Variants in EXOSC4 observed in about 807,000 individuals in gnomAD.
EXOSC4 encodes the protein exosome component 4.
A neutral mutation model predicts 20.0 loss-of-function variants in EXOSC4; 14 were observed. That is an observed-to-expected ratio of 0.70 (90% CI 0.46 to 1.09). EXOSC4 has a LOEUF of 1.09. Among genes scored for constraint, EXOSC4 ranks in the 50% least tolerant of loss-of-function variants. EXOSC4 has a pLI of 0.00. For missense variants in EXOSC4, 337 were observed against 334.0 expected, an observed-to-expected ratio of 1.01 and a Z score of -0.07; for synonymous variants, 148 against 146.4, an observed-to-expected ratio of 1.01 and a Z score of -0.08.
At chr8:144,069,586 C>T in the EXOSC4 span, among the ~76,000 whole-genome samples, 27 of 152,348 alleles carry the variant, frequency 1.8e-4, no homozygotes, top group South Asian at 2.3e-3. Context: ...CTGGGTCACC[C>T]GGGATCGCCT....
chr8:144,073,284 G>A, the EXOSC4 span, among the ~76,000 whole-genome samples: 1 of 152,140 alleles, frequency 6.6e-6, no homozygotes, highest in Non-Finnish European at 1.5e-5. Context: ...TACTTGGGAA[G>A]CTGAGGCAGG....
At chr8:144,075,285 G>C (rs138172342), upstream of EXOSC4, among the ~76,000 whole-genome samples, 7,753 of 151,140 alleles carry the variant, frequency 0.051, 717 homozygotes, top group African/African-American at 0.18. Context: ...GGAGTGCAGT[G>C]GTGCGATTTC....
upstream of EXOSC4, among the ~76,000 whole-genome samples, chr8:144,076,562 A>G (rs1166997197): frequency 6.6e-6 from 1 of 152,194 alleles, no homozygotes; most frequent in Non-Finnish European, 1.5e-5. Context: ...TAATGCTGCC[A>G]GGTTGGAGGC....
upstream of EXOSC4, among the ~76,000 whole-genome samples, chr8:144,074,392 C>T (rs782194190): frequency 1.3e-5 from 2 of 152,096 alleles, no homozygotes; most frequent in Non-Finnish European, 2.9e-5. Flanking sequence ...GTTATGCTAT[C>T]GCTAGTCATT....
At chr8:144,077,437 G>C (rs1167062472), upstream of EXOSC4, among the ~76,000 whole-genome samples, 1 of 152,162 alleles carries the variant, frequency 6.6e-6, no homozygotes, top group African/African-American at 2.4e-5. Flanking sequence ...AGCTGCAGCA[G>C]CAGGGTTGTG....
the EXOSC4 span, among the ~76,000 whole-genome samples, chr8:144,073,445 C>T: frequency 6.6e-6 from 1 of 152,164 alleles, no homozygotes; most frequent in Admixed American, 6.5e-5. Flanking sequence ...ATTCGTTCTT[C>T]CCAGAACCGA....
At chr8:144,076,521 A>C (rs200056655), upstream of EXOSC4, among the ~76,000 whole-genome samples, 13 of 152,270 alleles carry the variant, frequency 8.5e-5, no homozygotes, top group East Asian at 2.5e-3. Context: ...CAAAGGTGTG[A>C]GGTAGGAGTG....
chr8:144,077,143 G>A (rs564995016), upstream of EXOSC4, among the ~76,000 whole-genome samples: 8 of 152,178 alleles, frequency 5.3e-5, no homozygotes, highest in Admixed American at 3.9e-4. Flanking sequence ...TACTTGGGAG[G>A]CTGAGATAGA....
chr8:144,064,694 G>A, the EXOSC4 span, among the ~76,000 whole-genome samples: 1 of 152,216 alleles, frequency 6.6e-6, no homozygotes, highest in African/African-American at 2.4e-5. Context: ...CAAGGAAGGG[G>A]ATGGGCCAGG....
At chr8:144,076,780 A>T (rs538288139), upstream of EXOSC4, among the ~76,000 whole-genome samples, 1 of 152,316 alleles carries the variant, frequency 6.6e-6, no homozygotes, top group East Asian at 1.9e-4. Flanking sequence ...CGCATGCGGC[A>T]AGGACTGTCA....
chr8:144,066,185 T>G, the EXOSC4 span, among the ~76,000 whole-genome samples: 1 of 145,586 alleles, frequency 6.9e-6, no homozygotes, highest in Non-Finnish European at 1.5e-5. Flanking sequence ...CCTGGCTGAT[T>G]TTTTTTTGTA....
chr8:144,078,664 C>A, upstream of EXOSC4: 1 of 1,343,570 alleles, frequency 7.4e-7, no homozygotes, highest in Non-Finnish European at 9.6e-7. The surrounding 1 kb of genome is among the most constrained non-coding windows in gnomAD (Gnocchi z 4.7). Context: ...TCGGAGCCGC[C>A]GGGAGCTGTA....
chr8:144,068,958 C>A, the EXOSC4 span, among the ~76,000 whole-genome samples: 1 of 152,268 alleles, frequency 6.6e-6, no homozygotes, highest in East Asian at 1.9e-4. Context: ...GGTGGCAGGG[C>A]TGGCTGCTGC....
At position 144,078,948 on chromosome 8, in the gene EXOSC4, G is replaced by A; in HGVS notation, c.171+49G>A. The stretch of plus-strand genomic sequence containing the variant: ...AATCGTGTGGCCGTGGGAGCTGCGG[G>A]GCAGCCGGGCTGAGCGCTGGCTCGG... On this transcript the variant is annotated intron_variant, in intron 1 of 2. Coordinates refer to ENST00000316052, the MANE Select transcript of EXOSC4 (RefSeq NM_019037.3). This position sits in a 1 kb window ranked among gnomAD's most constrained non-coding sequence, Gnocchi z 4.7. The A allele has an allele frequency of 7.1e-7, 1 of 1,411,196 alleles. No homozygotes were observed. The highest frequency in any genetic ancestry group is 9.2e-7 in the Non-Finnish European group (1 of 1,081,354). The allele number at this position is 1,411,196 out of a possible 1,614,324, so 87.4% of individuals were successfully genotyped here.
upstream of EXOSC4, among the ~76,000 whole-genome samples, chr8:144,075,257 C>T (rs1048000462): frequency 5.3e-5 from 8 of 150,192 alleles, no homozygotes; most frequent in East Asian, 1.9e-4. Flanking sequence ...GACAGAGTCT[C>T]GCTCTGTCGC....
the EXOSC4 span, among the ~76,000 whole-genome samples, chr8:144,069,608 C>A: frequency 6.6e-6 from 1 of 152,256 alleles, no homozygotes; most frequent in South Asian, 2.1e-4. Context: ...CCCGCCTCAG[C>A]CTCCTTAACT....
chr8:144,074,805 C>A (rs1298844932), upstream of EXOSC4, among the ~76,000 whole-genome samples: 1 of 151,944 alleles, frequency 6.6e-6, no homozygotes, highest in African/African-American at 2.4e-5. Context: ...GACACCTGGC[C>A]TCAAGCGATC....
chr8:144,074,296 G>A (rs903098063), upstream of EXOSC4, among the ~76,000 whole-genome samples: 1 of 152,202 alleles, frequency 6.6e-6, no homozygotes, highest in African/African-American at 2.4e-5. Context: ...AGAGCTGGAG[G>A]GGGTGTTGTG....
chr8:144,075,234 T>C (rs1370547171), upstream of EXOSC4, among the ~76,000 whole-genome samples: 1 of 151,682 alleles, frequency 6.6e-6, no homozygotes, highest in Non-Finnish European at 1.5e-5. Context: ...AGTTAATTTT[T>C]TTTTTTTTTT....
Sources: gnomAD v4.1 joint callset for allele counts (sites outside exome capture counted in the v4.1 genomes callset) on GRCh38, gnomAD v4.1.1 for gene constraint, Gnocchi (gnomAD v3.1) non-coding constraint, MANE v1.5 for transcripts, NCBI Gene and HGNC (gene_info 2026-07-23, HGNC 2026-07-21) for gene names.